FGGY: variants seen among roughly 807,000 people sequenced by gnomAD.
FGGY encodes FGGY carbohydrate kinase domain containing, also known as FGGY carbohydrate kinase domain-containing protein.
FGGY carries 72 observed loss-of-function variants against 71.3 expected under a neutral mutation model. That is an observed-to-expected ratio of 1.01 (90% CI 0.84 to 1.23). The LOEUF (loss-of-function observed/expected upper bound fraction) is 1.23. Among genes scored for constraint, FGGY ranks in the 50% most tolerant of loss-of-function variants. The pLI is 0.00. For synonymous variants in FGGY, 251 were observed against 250.3 expected (o/e 1.00, Z -0.02); for missense variants, 668 against 682.3 (o/e 0.98, Z 0.23).
chr1:59,368,525 C>T (rs962992141), intron 4 of FGGY, among the ~76,000 whole-genome samples: 3 of 152,210 alleles, frequency 2.0e-5, no homozygotes, highest in Non-Finnish European at 2.9e-5. Context: ...CACGCCTCTG[C>T]ATCACTCTGT....
chr1:59,304,294 T>A (rs950850728), intron 1 of FGGY, among the ~76,000 whole-genome samples: 1 of 152,188 alleles, frequency 6.6e-6, no homozygotes, highest in Non-Finnish European at 1.5e-5. Flanking sequence ...CGCATGTGAC[T>A]ATCCAGTTTT....
chr1:59,531,933 A>G (rs2153664950), intron 7 of FGGY, among the ~76,000 whole-genome samples: 1 of 152,344 alleles, frequency 6.6e-6, no homozygotes, highest in South Asian at 2.1e-4. Context: ...AGAGGTAGGT[A>G]ACATAATCAG....
At chr1:59,642,432 C>G (rs2097041680) in intron 11 of FGGY, among the ~76,000 whole-genome samples, 1 of 151,846 alleles carries the variant, frequency 6.6e-6, no homozygotes, top group Non-Finnish European at 1.5e-5. Context: ...CGAGACCAGC[C>G]TGACCAACAT....
At chr1:59,472,639 AAC>A (rs932186256) in intron 6 of FGGY, among the ~76,000 whole-genome samples, 2 of 152,196 alleles carry the variant, frequency 1.3e-5, no homozygotes, top group Non-Finnish European at 2.9e-5. Flanking sequence ...AAGGTTTGTA[AAC>A]ACACCAATCG....
intron 2 of FGGY, among the ~76,000 whole-genome samples, chr1:59,337,018 T>TTCATATATATATATTTATATGTATATAG (rs920577171): frequency 2.8e-5 from 4 of 143,254 alleles, no homozygotes; most frequent in African/African-American, 8.0e-5. Context: ...TATGTATATA[T>TTCATATATATATATTTATATGTATATAG]TCATATATAT....
chr1:59,686,562 G>T (rs988187514), intron 14 of FGGY, among the ~76,000 whole-genome samples: 10 of 152,002 alleles, frequency 6.6e-5, no homozygotes, highest in African/African-American at 9.7e-5. Context: ...CTGAAAGATG[G>T]TCTGCTATCC....
At chr1:59,709,519 A>C (rs2097779134) in intron 14 of FGGY, among the ~76,000 whole-genome samples, 1 of 150,768 alleles carries the variant, frequency 6.6e-6, no homozygotes, top group South Asian at 2.1e-4. Context: ...GTGCTTTCCA[A>C]ACTATGAAAT....
In FGGY at chr1:59,526,399, A is replaced by G. The variant is rs2094980284; in HGVS notation, c.799+13960A>G. 1.3e-5 allele frequency among the ~76,000 whole-genome samples: 2 copies of G among 152,236 alleles called. 1 individual carries two copies. The highest frequency in any genetic ancestry group is 4.1e-4 in the South Asian group (2 of 4,836). On this transcript the variant is annotated intron_variant, in intron 7 of 15. Transcript: ENST00000303721. Reference sequence around the variant, plus strand: ...ATCAGCAAATATATGTTGAGCACATACTTTGCCTCAAGCATGTGCTGGGCA... The same window carrying G: ...ATCAGCAAATATATGTTGAGCACATGCTTTGCCTCAAGCATGTGCTGGGCA...
chr1:59,686,985 T>G (rs987631579), intron 14 of FGGY, among the ~76,000 whole-genome samples: 1 of 152,256 alleles, frequency 6.6e-6, no homozygotes, highest in African/African-American at 2.4e-5. Flanking sequence ...CTATCATTAC[T>G]ATTAGCTGAC....
chr1:59,721,333 C>CT (rs1193468922), intron 14 of FGGY, among the ~76,000 whole-genome samples: 18 of 68,620 alleles, frequency 2.6e-4, no homozygotes, highest in Non-Finnish European at 4.2e-4. Flanking sequence ...CTTTTCTTTC[C>CT]TTTGTTTTTT....
At chr1:59,417,773 A>T (rs1176344472) in intron 5 of FGGY, among the ~76,000 whole-genome samples, 1 of 152,212 alleles carries the variant, frequency 6.6e-6, no homozygotes, top group Non-Finnish European at 1.5e-5. Context: ...TTCAGATCAT[A>T]TGCCCATTAT....
chr1:59,571,356 T>C (rs1254978601), intron 8 of FGGY, among the ~76,000 whole-genome samples: 5 of 152,212 alleles, frequency 3.3e-5, no homozygotes, highest in African/African-American at 1.2e-4. Flanking sequence ...CTGTGCCAGG[T>C]ACTGGAGAGA....
At chr1:59,601,910 T>TCCAC (rs2096581893) in intron 8 of FGGY, among the ~76,000 whole-genome samples, 1 of 152,214 alleles carries the variant, frequency 6.6e-6, no homozygotes, top group Non-Finnish European at 1.5e-5. Context: ...GGCCACAGGT[T>TCCAC]ATGGAGCAAA....
chr1:59,562,322 G>A lies in FGGY; in HGVS notation c.903+8095G>A, dbSNP rs72917762. On this transcript the variant is annotated intron_variant, in intron 8 of 15. Transcript: ENST00000303721. ...TAAAAGGGAATGAACCATAATATAA[G>A]GTACAACATGGATTAATCACACAAA... is the stretch of plus-strand genomic sequence containing the variant. 7.0e-3 allele frequency among the ~76,000 whole-genome samples: 1,067 copies of A among 152,196 alleles called. 11 individuals are homozygous for A. Among genetic ancestry groups the A allele is most frequent in the African/African-American group, 0.024 (999 of 41,540 alleles).
Position 59,525,422 on chromosome 1 carries a change from A to C in FGGY, c.799+12983A>C, listed in dbSNP as rs77680087. 2.3e-4 allele frequency among the ~76,000 whole-genome samples: 35 copies of C among 152,308 alleles called. 1 individual carries two copies. The East Asian group carries it at 6.4e-3, about 28-fold the overall frequency. On this transcript the variant is annotated intron_variant, in intron 7 of 15. Coordinates refer to ENST00000303721, the MANE Select transcript of FGGY (RefSeq NM_018291.5). Reference sequence around the variant, plus strand: ...TTCCGGCTGGCAAAGTGACACCCCGAGGATCCCATGACAGTACTTCATGCC... The same window carrying C: ...TTCCGGCTGGCAAAGTGACACCCCGCGGATCCCATGACAGTACTTCATGCC...
chr1:59,661,414 C>G (rs1246067088), intron 12 of FGGY, among the ~76,000 whole-genome samples: 2 of 152,040 alleles, frequency 1.3e-5, no homozygotes, highest in African/African-American at 2.4e-5. Context: ...ATTAAACAGC[C>G]CTTTTAGATT....
intron 7 of FGGY, among the ~76,000 whole-genome samples, chr1:59,520,091 G>C (rs1403687393): frequency 6.6e-6 from 1 of 152,186 alleles, no homozygotes; most frequent in Admixed American, 6.5e-5. Context: ...AGCTTCAAAT[G>C]TCAAATGTCA....
chr1:59,379,753 C>T (rs115272679), intron 5 of FGGY, among the ~76,000 whole-genome samples: 4,286 of 152,142 alleles, frequency 0.028, 137 homozygotes, highest in African/African-American at 0.078. Flanking sequence ...ACACATTATA[C>T]AGCTGTACAA....
chr1:59,758,715 G>C (rs17391926), intron 15 of FGGY, among the ~76,000 whole-genome samples: 9,679 of 152,284 alleles, frequency 0.064, 378 homozygotes, highest in Admixed American at 0.096. Context: ...AGTTATAAAA[G>C]TGGGAGCAGC....
Sources: allele counts gnomAD v4.1 joint callset (sites outside exome capture counted in the v4.1 genomes callset), GRCh38; gene constraint gnomAD v4.1.1; transcripts MANE v1.5; gene names NCBI Gene and HGNC (gene_info 2026-07-23, HGNC 2026-07-21).